TMEM132C: variants seen among roughly 807,000 people sequenced by gnomAD.
TMEM132C encodes the protein protein phosphatase 1, regulatory subunit 152.
In TMEM132C, 29 loss-of-function variants were observed where a neutral mutation model predicts 61.4. The ratio of observed to expected loss-of-function variants is 0.47; its 90% CI spans 0.35 to 0.64. The LOEUF is 0.64. Among genes scored for constraint, TMEM132C ranks in the 30% least tolerant of loss-of-function variants. TMEM132C has a pLI of 0.00. For missense variants in TMEM132C, 1,408 were observed against 1,476.9 expected (o/e 0.95, Z 0.76); for synonymous variants, 656 against 633.1 (o/e 1.04, Z -0.54).
intron 3 of TMEM132C, among the ~76,000 whole-genome samples, chr12:128,546,672 G>A (rs1049380627): frequency 4.6e-5 from 7 of 152,180 alleles, no homozygotes; most frequent in Admixed American, 2.0e-4. Flanking sequence ...CAGATGGTTA[G>A]ACCCCAGAAA....
At chr12:128,535,045 G>C (rs528695046) in intron 2 of TMEM132C, among the ~76,000 whole-genome samples, 2 of 152,318 alleles carry the variant, frequency 1.3e-5, no homozygotes, top group East Asian at 3.9e-4. Flanking sequence ...TCCATGCTAT[G>C]AACACAACTG....
intron 2 of TMEM132C, chr12:128,438,967 C>T (rs950981666): frequency 6.6e-6 from 1 of 152,138 alleles, no homozygotes; most frequent in Admixed American, 6.5e-5. Context: ...ATAGGAGTGC[C>T]CCTCATTCAG....
At chr12:128,334,604 T>C (rs922720169) in intron 1 of TMEM132C, among the ~76,000 whole-genome samples, 3 of 151,952 alleles carry the variant, frequency 2.0e-5, no homozygotes, top group Non-Finnish European at 4.4e-5. Context: ...CTTTCCTTTT[T>C]TTTTTTTTTG....
chr12:128,576,042 G>A (rs554914529), intron 3 of TMEM132C, among the ~76,000 whole-genome samples: 2 of 152,262 alleles, frequency 1.3e-5, no homozygotes, highest in Admixed American at 6.5e-5. Flanking sequence ...CTCACCTGAG[G>A]TCAGGAGTTC....
chr12:128,434,658 A>G (rs1869513968), intron 2 of TMEM132C, among the ~76,000 whole-genome samples: 1 of 151,588 alleles, frequency 6.6e-6, no homozygotes, highest in African/African-American at 2.4e-5. Context: ...CCTCGTGTGC[A>G]GTGGCATGAT....
chr12:128,552,531 ATAACT>A (rs368143288), intron 3 of TMEM132C, among the ~76,000 whole-genome samples: 127 of 152,386 alleles, frequency 8.3e-4, no homozygotes, highest in Middle Eastern at 6.8e-3. Flanking sequence ...TATTTAAAAA[ATAACT>A]TTAATGTACA....
chr12:128,492,689 G>GA (rs1871784922), intron 2 of TMEM132C, among the ~76,000 whole-genome samples: 1 of 152,180 alleles, frequency 6.6e-6, no homozygotes, highest in African/African-American at 2.4e-5. Flanking sequence ...TCCACTTTGT[G>GA]ATGGGGTTGT....
At chr12:128,584,222 G>T (rs1363534393) in intron 3 of TMEM132C, among the ~76,000 whole-genome samples, 2 of 152,158 alleles carry the variant, frequency 1.3e-5, no homozygotes, top group Non-Finnish European at 2.9e-5. Context: ...CCTGACCTTT[G>T]TTGGCCTCTA....
chr12:128,701,916 T>TA (rs1491084144), intron 8 of TMEM132C, among the ~76,000 whole-genome samples: 1 of 135,162 alleles, frequency 7.4e-6, no homozygotes, highest in Non-Finnish European at 1.6e-5. Context: ...TTTTTTTTTT[T>TA]TGAGACAGAG....
chr12:128,296,857 A>T (rs1229175177), intron 1 of TMEM132C, among the ~76,000 whole-genome samples: 2 of 152,162 alleles, frequency 1.3e-5, no homozygotes. Context: ...TTTTCTTCTA[A>T]CCAGCATTAA....
intron 1 of TMEM132C, among the ~76,000 whole-genome samples, chr12:128,286,099 C>G (rs1275203058): frequency 6.6e-6 from 1 of 151,996 alleles, no homozygotes; most frequent in Admixed American, 6.6e-5. Flanking sequence ...CTCTATCCCT[C>G]TCTCCCTTTC....
intron 1 of TMEM132C, among the ~76,000 whole-genome samples, chr12:128,389,700 C>T (rs1427567397): frequency 6.6e-6 from 1 of 152,136 alleles, no homozygotes; most frequent in Non-Finnish European, 1.5e-5. Flanking sequence ...TCTGAGTTGG[C>T]ATAAACATTC....
chr12:128,603,879 T>C (rs549611459), intron 3 of TMEM132C, among the ~76,000 whole-genome samples: 1 of 152,208 alleles, frequency 6.6e-6, no homozygotes, highest in East Asian at 1.9e-4. Context: ...AACAAAGACT[T>C]CTATGTCCTT....
intron 2 of TMEM132C, among the ~76,000 whole-genome samples, chr12:128,467,357 G>T (rs1276284160): frequency 6.6e-6 from 1 of 152,152 alleles, no homozygotes; most frequent in Non-Finnish European, 1.5e-5. Flanking sequence ...ATGCCAAATT[G>T]TCATGTCTTG....
chr12:128,443,935 T>G (rs967984959), intron 2 of TMEM132C, among the ~76,000 whole-genome samples: 1 of 152,158 alleles, frequency 6.6e-6, no homozygotes, highest in Non-Finnish European at 1.5e-5. Context: ...CTCACCTTTT[T>G]TTGTAAAGCT....
intron 2 of TMEM132C, among the ~76,000 whole-genome samples, chr12:128,449,879 A>G (rs1870122984): frequency 6.6e-6 from 1 of 152,220 alleles, no homozygotes; most frequent in African/African-American, 2.4e-5. Flanking sequence ...AAGCAGAAAC[A>G]AGGCAACTTA....
intron 2 of TMEM132C, among the ~76,000 whole-genome samples, chr12:128,457,791 G>A (rs952514393): frequency 2.0e-5 from 3 of 152,056 alleles, no homozygotes; most frequent in Admixed American, 1.3e-4. Context: ...ATAGTGGGAT[G>A]GAGATAAGCA....
intron 1 of TMEM132C, among the ~76,000 whole-genome samples, chr12:128,393,024 G>A (rs1874819867): frequency 6.6e-6 from 1 of 152,170 alleles, no homozygotes; most frequent in African/African-American, 2.4e-5. Flanking sequence ...ACCTAAAAAT[G>A]GGTGGTTCAA....
chr12:128,601,784 A>G (rs1436336876), intron 3 of TMEM132C, among the ~76,000 whole-genome samples: 1 of 152,182 alleles, frequency 6.6e-6, no homozygotes, highest in East Asian at 1.9e-4. Context: ...ATTGCCTTTT[A>G]ATGGAAATAA....
Sources: allele counts gnomAD v4.1 joint callset (sites outside exome capture counted in the v4.1 genomes callset), GRCh38; gene constraint gnomAD v4.1.1; transcripts MANE v1.5; gene names NCBI Gene and HGNC (gene_info 2026-07-23, HGNC 2026-07-21).